SMYD1: variants seen among roughly 807,000 people sequenced by gnomAD.
SMYD1 encodes SET and MYND domain containing 1, also known as histone-lysine N-methyltransferase SMYD1.
In SMYD1, 49 loss-of-function variants were observed where a neutral mutation model predicts 54.0. The ratio of observed to expected loss-of-function variants is 0.91; its 90% CI spans 0.72 to 1.15. The LOEUF (loss-of-function observed/expected upper bound fraction) is 1.15, where lower values mean the gene tolerates loss of function less well. SMYD1 is among the 50% of genes most tolerant of loss of function. The probability of loss-of-function intolerance (pLI) is 0.00; values close to 1 mark genes in which losing one functional copy is unlikely to be tolerated. For synonymous variants in SMYD1, 269 were observed against 234.2 expected (o/e 1.15, Z -1.36); for missense variants, 653 against 639.6 (o/e 1.02, Z -0.23).
intron 1 of SMYD1, among the ~76,000 whole-genome samples, chr2:88,077,027 A>AG (rs1384347248): frequency 2.0e-5 from 3 of 151,700 alleles, no homozygotes; most frequent in African/African-American, 7.3e-5. Flanking sequence ...AAAAAAAAAA[A>AG]AGACACTTCC....
At chr2:88,110,250 A>C (rs1674985648) in intron 9 of SMYD1, 104 bp from the exon 10 acceptor site, 2 of 1,092,460 alleles carry the variant, frequency 1.8e-6, no homozygotes, top group African/African-American at 1.7e-5. Context: ...GAGGGGGTAG[A>C]GTTGAATCTC....
chr2:88,074,582 G>A lies in SMYD1; in HGVS notation c.137+6581G>A, dbSNP rs189188852. On this transcript the variant is annotated intron_variant, in intron 1 of 9. Coordinates refer to ENST00000419482, the MANE Select transcript of SMYD1 (RefSeq NM_198274.4). ...GGGCTATTATTCAGTCTACCCCAAC[G>A]AAAAAGAATTTTCTAGATTGATCCA... Among the ~76,000 whole-genome samples the A allele has an allele frequency of 2.5e-3, 386 of 152,226 alleles. 1 individual carries two copies. The highest frequency in any genetic ancestry group is 4.8e-3 in the Non-Finnish European group (329 of 67,998).
chr2:88,075,540 T>A (rs1674042452), intron 1 of SMYD1, among the ~76,000 whole-genome samples: 2 of 117,696 alleles, frequency 1.7e-5, no homozygotes. Flanking sequence ...AATTCTTTTT[T>A]TTTTTTTTTT....
chr2:88,093,897 T>C (rs4972174), intron 5 of SMYD1, among the ~76,000 whole-genome samples: 34,124 of 152,096 alleles, frequency 0.22, 3,968 homozygotes, highest in African/African-American at 0.29. Flanking sequence ...AAATGGGGAC[T>C]GTGACTGACC....
At chr2:88,101,102 G>A (rs566537267) in intron 6 of SMYD1, among the ~76,000 whole-genome samples, 36 of 152,322 alleles carry the variant, frequency 2.4e-4, no homozygotes, top group Non-Finnish European at 7.3e-5. Flanking sequence ...CATACTGCGA[G>A]ATGAAAACCC....
chr2:88,104,951 C>T (rs536194580), intron 7 of SMYD1, among the ~76,000 whole-genome samples: 18 of 152,288 alleles, frequency 1.2e-4, no homozygotes, highest in African/African-American at 3.4e-4. Context: ...TTCCCAGCTT[C>T]CTGGGAGCCT....
intron 1 of SMYD1, among the ~76,000 whole-genome samples, chr2:88,081,813 T>C (rs118084149): frequency 2.6e-5 from 4 of 152,174 alleles, no homozygotes; most frequent in African/African-American, 7.2e-5. Context: ...CAAGTGTACA[T>C]GGCACCACAT....
Position 88,103,156 on chromosome 2 carries a change from A to C in SMYD1, c.981+6A>C. The C allele has an allele frequency of 3.1e-6, 5 of 1,612,112 alleles. No homozygotes were observed. Among genetic ancestry groups the C allele is most frequent in the Non-Finnish European group, 4.2e-6 (5 of 1,178,406 alleles). On this transcript the variant is annotated splice_donor_region_variant and intron_variant, in intron 7 of 9. Transcript: ENST00000419482. ...CCGAGGGTTTGTATCATGAGGTAAGAATTCACTTGTTATAGAGGATGGGGG... is the reference window on the plus strand; with the variant it reads ...CCGAGGGTTTGTATCATGAGGTAAGCATTCACTTGTTATAGAGGATGGGGG...
At chr2:88,102,063 CT>C (rs968500121) in intron 6 of SMYD1, among the ~76,000 whole-genome samples, 72 of 148,016 alleles carry the variant, frequency 4.9e-4, no homozygotes, top group African/African-American at 1.4e-3. Flanking sequence ...CTAGGGATTT[CT>C]TTTTTTTTTA....
intron 2 of SMYD1, 90 bp downstream of exon 2, chr2:88,084,582 C>A: frequency 7.8e-7 from 1 of 1,283,210 alleles, no homozygotes; most frequent in Non-Finnish European, 1.1e-6. Context: ...CTAAGGAAGC[C>A]AAGCTGAGTG....
chr2:88,096,764 G>C lies in SMYD1; in HGVS notation c.868G>C (p.Gly290Arg). The C allele has an allele frequency of 6.2e-7, 1 of 1,613,706 alleles. No homozygotes were observed. Among genetic ancestry groups the C allele is most frequent in the Non-Finnish European group, 8.5e-7 (1 of 1,179,842 alleles). ...AAAACTGAAGGATGACCTCTTCCTG[G>C]GGGTGAAAGACAACCCCAAGGTACA... ...QKKLKDDLFL[G>R]VKDNPKPSQE... The change falls in exon 6 of 10, where the codon GGG (glycine) becomes CGG (arginine). Residue 290 changes from glycine (G) to arginine (R), a missense_variant. By Grantham distance (125) the Gly-to-Arg change is moderately radical. Coordinates refer to ENST00000419482, the MANE Select transcript of SMYD1 (RefSeq NM_198274.4).
At chr2:88,096,459 GTGGGGTCAA>G in intron 5 of SMYD1, 127 bp from the exon 6 acceptor site, 1 of 755,388 alleles carries the variant, frequency 1.3e-6, no homozygotes, top group African/African-American at 1.8e-5. Context: ...TTCTCCTTTT[GTGGGGTCAA>G]TGGGAGTTTC....
At chr2:88,087,079 CAAAAAAAAAA>C (rs57379534) in intron 2 of SMYD1, among the ~76,000 whole-genome samples, 2 of 83,858 alleles carry the variant, frequency 2.4e-5, no homozygotes, top group Non-Finnish European at 4.4e-5. Context: ...GTATAGCTTC[CAAAAAAAAAA>C]AAAAAAAAAG....
At chr2:88,108,683 A>C in intron 9 of SMYD1, 144 bp downstream of exon 9, 1 of 730,504 alleles carries the variant, frequency 1.4e-6, no homozygotes, top group Non-Finnish European at 2.1e-6. Flanking sequence ...TTAGCCCACT[A>C]CCCTTGTGTG....
intron 7 of SMYD1, among the ~76,000 whole-genome samples, chr2:88,104,191 T>C (rs150997983): frequency 0.015 from 2,257 of 152,178 alleles, 49 homozygotes; most frequent in African/African-American, 0.038. Flanking sequence ...TGGTCTCGAT[T>C]TCCCAACATC....
Position 88,093,501 on chromosome 2 carries a change from CT to C in SMYD1, c.660-15del. 6.2e-7 allele frequency: 1 copy of C among 1,614,106 alleles called. No homozygotes were observed. On this transcript the variant is annotated splice_polypyrimidine_tract_variant and intron_variant, in intron 4 of 9. Coordinates refer to ENST00000419482, the MANE Select transcript of SMYD1 (RefSeq NM_198274.4). The stretch of plus-strand genomic sequence containing the variant: ...ATGATAATGATTTCCATATGGGTGT[CT>C]GTTTTGTCTTTCAGTCATGAGGCAG...
chr2:88,109,036 C>T (rs1163527447), intron 9 of SMYD1, among the ~76,000 whole-genome samples: 1 of 152,184 alleles, frequency 6.6e-6, no homozygotes, highest in African/African-American at 2.4e-5. Flanking sequence ...CTACCAGGCC[C>T]CACCTCCAAC....
chr2:88,071,382 A>T (rs1573099128), intron 1 of SMYD1, among the ~76,000 whole-genome samples: 2 of 152,364 alleles, frequency 1.3e-5, no homozygotes, highest in Middle Eastern at 3.4e-3. Flanking sequence ...TAGCATTAAC[A>T]GTAACAATCC....
At chr2:88,082,567 C>G (rs10202149) in intron 1 of SMYD1, 42 of 154,434 alleles carry the variant, frequency 2.7e-4, no homozygotes, top group African/African-American at 9.1e-4. Flanking sequence ...GGCCTTTGGG[C>G]TGGTCCTTGA....
Sources: allele counts gnomAD v4.1 joint callset (sites outside exome capture counted in the v4.1 genomes callset), GRCh38; gene constraint gnomAD v4.1.1; transcripts MANE v1.5; gene names NCBI Gene and HGNC (gene_info 2026-07-23, HGNC 2026-07-21).